Variants in GPHN observed in about 807,000 individuals in gnomAD.
GPHN encodes gephyrin.
Under a neutral mutation model 95.5 loss-of-function variants are expected in GPHN, and 17 were observed. The observed-to-expected ratio is 0.18, with a 90% confidence interval of 0.12 to 0.27. The LOEUF is 0.27. Among genes scored for constraint, GPHN ranks in the 10% least tolerant of loss-of-function variants. The probability of loss-of-function intolerance (pLI) is 1.00; values close to 1 mark genes in which losing one functional copy is unlikely to be tolerated. For synonymous variants in GPHN, 320 were observed against 322.5 expected (o/e 0.99, Z 0.08); for missense variants, 660 against 978.1 (o/e 0.67, Z 4.34).
At chr14:67,345,244 AAAAT>A in the GPHN span, among the ~76,000 whole-genome samples, 3 of 151,720 alleles carry the variant, frequency 2.0e-5, no homozygotes, top group Non-Finnish European at 4.4e-5. Flanking sequence ...CCCATTTCGA[AAAAT>A]AAATAAATTT....
At chr14:66,907,101 T>A (rs112903451) in intron 5 of GPHN, among the ~76,000 whole-genome samples, 79 of 152,286 alleles carry the variant, frequency 5.2e-4, no homozygotes, top group African/African-American at 1.6e-3. Context: ...ATGTGAAAAC[T>A]TACATCCACA....
chr14:67,517,003 A>G, the GPHN span, among the ~76,000 whole-genome samples: 1 of 152,242 alleles, frequency 6.6e-6, no homozygotes, highest in Admixed American at 6.5e-5. Context: ...TAATATTCTC[A>G]GCACACAGTA....
At chr14:66,544,650 G>A (rs1042755155) in intron 1 of GPHN, among the ~76,000 whole-genome samples, 2 of 151,450 alleles carry the variant, frequency 1.3e-5, no homozygotes, top group African/African-American at 4.9e-5. Context: ...GGATTTGGCA[G>A]GGTCACAGGA....
chr14:66,705,239 A>C lies in GPHN; in HGVS notation c.143+24054A>C, dbSNP rs375277008. Among the ~76,000 whole-genome samples, 52 of 152,358 alleles carry C rather than the reference A, an allele frequency of 3.4e-4. No homozygotes were observed. In the East Asian group the frequency reaches 9.1e-3, roughly 27 times the overall value. On this transcript the variant is annotated intron_variant, in intron 2 of 22. Coordinates refer to ENST00000478722, the MANE Select transcript of GPHN (RefSeq NM_020806.5). ...ACAGTGGAATTCTACCAGAAGTACA[A>C]AGAGGAGATGGTACCATTCCTTCTG...
chr14:67,213,749 C>T, the GPHN span, among the ~76,000 whole-genome samples: 18 of 152,290 alleles, frequency 1.2e-4, no homozygotes, highest in Admixed American at 5.2e-4. Context: ...CACTGACTTC[C>T]ACAAGGGTTG....
intron 11 of GPHN, among the ~76,000 whole-genome samples, chr14:67,067,770 A>C (rs1206291953): frequency 6.6e-6 from 1 of 152,048 alleles, no homozygotes; most frequent in Non-Finnish European, 1.5e-5. Context: ...CAGGCATGGG[A>C]GAGAATCTCC....
At chr14:67,224,244 T>C in the GPHN span, among the ~76,000 whole-genome samples, 1 of 151,060 alleles carries the variant, frequency 6.6e-6, no homozygotes, top group Admixed American at 6.6e-5. Flanking sequence ...GGATCTGAGT[T>C]CATTTCTCTC....
chr14:66,733,771 T>C (rs1382343517), intron 2 of GPHN, among the ~76,000 whole-genome samples: 1 of 152,176 alleles, frequency 6.6e-6, no homozygotes, highest in African/African-American at 2.4e-5. Context: ...TATACCAGAA[T>C]TAAGGATAAA....
the GPHN span, among the ~76,000 whole-genome samples, chr14:67,547,322 A>T: frequency 6.6e-6 from 1 of 152,184 alleles, no homozygotes; most frequent in Admixed American, 6.5e-5. Flanking sequence ...CACAAACACC[A>T]TGTTGGTCAA....
the GPHN span, chr14:67,203,162 T>C: frequency 6.2e-7 from 1 of 1,614,020 alleles, no homozygotes; most frequent in Non-Finnish European, 8.5e-7. Flanking sequence ...GCATCTGTTT[T>C]TCCAGCTCCA....
intron 1 of GPHN, among the ~76,000 whole-genome samples, chr14:66,665,686 G>A (rs984303396): frequency 1.2e-4 from 19 of 152,232 alleles, no homozygotes; most frequent in Non-Finnish European, 2.1e-4. Flanking sequence ...GTGGAAGACA[G>A]TGTGGCGATT....
At chr14:67,388,720 TTCAG>T in the GPHN span, among the ~76,000 whole-genome samples, 1 of 152,124 alleles carries the variant, frequency 6.6e-6, no homozygotes, top group Non-Finnish European at 1.5e-5. Context: ...CACTCTGTCT[TTCAG>T]GCTGGAGTGC....
chr14:67,323,228 T>C, the GPHN span, among the ~76,000 whole-genome samples: 3 of 104,844 alleles, frequency 2.9e-5, no homozygotes, highest in African/African-American at 1.3e-4. Context: ...TACACATATA[T>C]ACACGTGTGT....
At chr14:67,685,410 G>C in the GPHN span, among the ~76,000 whole-genome samples, 1 of 152,238 alleles carries the variant, frequency 6.6e-6, no homozygotes, top group South Asian at 2.1e-4. Flanking sequence ...AAGGACCTCT[G>C]TGTATTTCTG....
At chr14:66,516,648 C>T (rs1191109466) in intron 1 of GPHN, among the ~76,000 whole-genome samples, 8 of 152,066 alleles carry the variant, frequency 5.3e-5, no homozygotes, top group African/African-American at 1.9e-4. Flanking sequence ...AATGTGTCTG[C>T]CTGATGCTGT....
the GPHN span, among the ~76,000 whole-genome samples, chr14:67,227,088 G>A: frequency 6.6e-6 from 1 of 152,190 alleles, no homozygotes; most frequent in African/African-American, 2.4e-5. Context: ...ACAGAGAGCT[G>A]CAAATGCAAA....
At chr14:66,932,063 G>A (rs2066827756) in intron 8 of GPHN, among the ~76,000 whole-genome samples, 1 of 152,188 alleles carries the variant, frequency 6.6e-6, no homozygotes, top group Admixed American at 6.5e-5. Flanking sequence ...GGCCATATGT[G>A]CATTAGGGGG....
At chr14:67,703,206 T>C in the GPHN span, among the ~76,000 whole-genome samples, 1 of 152,204 alleles carries the variant, frequency 6.6e-6, no homozygotes, top group African/African-American at 2.4e-5. Flanking sequence ...TAAATTATTT[T>C]TGGAAAAAAT....
intron 10 of GPHN, among the ~76,000 whole-genome samples, chr14:67,045,765 T>C (rs1378128782): frequency 6.7e-6 from 1 of 149,718 alleles, no homozygotes; most frequent in African/African-American, 2.5e-5. Context: ...CTGTCTCTCT[T>C]TCTCTGTCAC....
Sources: allele counts gnomAD v4.1 joint callset (sites outside exome capture counted in the v4.1 genomes callset), GRCh38; gene constraint gnomAD v4.1.1; transcripts MANE v1.5; gene names NCBI Gene and HGNC (gene_info 2026-07-23, HGNC 2026-07-21).